ARSG: variants seen among roughly 807,000 people sequenced by gnomAD.
ARSG encodes the protein arylsulfatase G, also known as ASG.
ARSG carries 37 observed loss-of-function variants against 50.5 expected under a neutral mutation model. That is an observed-to-expected ratio of 0.73 (90% CI 0.56 to 0.96). ARSG has a LOEUF of 0.96. Ranked by LOEUF, ARSG falls within the 50% of genes least tolerant of loss-of-function variation. The probability of loss-of-function intolerance (pLI) is 0.00; values close to 1 mark genes in which losing one functional copy is unlikely to be tolerated. For synonymous variants in ARSG, 225 were observed against 254.6 expected, an observed-to-expected ratio of 0.88 and a Z score of 1.11; for missense variants, 629 against 675.3, an observed-to-expected ratio of 0.93 and a Z score of 0.76.
chr17:68,265,803 G>C (rs1386661626), intron 1 of ARSG, among the ~76,000 whole-genome samples: 18 of 144,172 alleles, frequency 1.2e-4, no homozygotes, highest in African/African-American at 4.7e-4. Context: ...TATATTTCCT[G>C]TGTGAAAATC....
chr17:68,284,437 C>A (rs1407501372), intron 1 of ARSG, among the ~76,000 whole-genome samples: 1 of 152,064 alleles, frequency 6.6e-6, no homozygotes, highest in Non-Finnish European at 1.5e-5. Context: ...AAAGAAAATT[C>A]TTTACAATTA....
intron 4 of ARSG, among the ~76,000 whole-genome samples, chr17:68,350,997 C>T (rs1323540271): frequency 6.6e-6 from 1 of 152,042 alleles, no homozygotes; most frequent in Non-Finnish European, 1.5e-5. Flanking sequence ...CAGTATCTTT[C>T]AAGGCGCATT....
chr17:68,307,350 A>G lies in ARSG; in HGVS notation c.-144A>G. The G allele has an allele frequency of 1.5e-6, 1 of 655,674 alleles. No homozygotes were observed. Among genetic ancestry groups the G allele is most frequent in the Non-Finnish European group, 2.7e-6 (1 of 368,544 alleles). 40.6% of individuals were successfully genotyped at this position (655,674 alleles called of 1,614,324 possible). A position where few individuals can be genotyped will look rare whatever the true frequency, so the allele number is the denominator to read the frequency against. ...TATAGCCGTTATCACTGCCATCACC[A>G]CTGCCACCAGCATCTTCTTGCAGAT... On this transcript the variant is annotated 5_prime_UTR_variant, in exon 2 of 12. Coordinates refer to ENST00000621439, the MANE Select transcript of ARSG (RefSeq NM_001267727.2).
chr17:68,393,739 C>T (rs547631532), intron 9 of ARSG, among the ~76,000 whole-genome samples: 107 of 151,970 alleles, frequency 7.0e-4, no homozygotes, highest in African/African-American at 2.5e-3. Flanking sequence ...TGTTGGCATG[C>T]ACCTGTAGAC....
At chr17:68,350,655 C>T (rs1055596489) in intron 4 of ARSG, among the ~76,000 whole-genome samples, 9 of 152,048 alleles carry the variant, frequency 5.9e-5, no homozygotes, top group African/African-American at 1.4e-4. Context: ...CGTGGTGGCA[C>T]GTGCCTGTAG....
At chr17:68,327,149 G>T (rs1201860943) in intron 2 of ARSG, among the ~76,000 whole-genome samples, 4 of 151,962 alleles carry the variant, frequency 2.6e-5, no homozygotes, top group Admixed American at 1.3e-4. Flanking sequence ...GCATTATTTA[G>T]CAGAGATACA....
chr17:68,328,616 C>G (rs536269120), intron 2 of ARSG, among the ~76,000 whole-genome samples: 5 of 152,358 alleles, frequency 3.3e-5, no homozygotes, highest in Admixed American at 3.3e-4. Context: ...CCCCAGCTAG[C>G]TCTGTCGTGG....
intron 2 of ARSG, among the ~76,000 whole-genome samples, chr17:68,330,985 G>T (rs1442674506): frequency 1.2e-4 from 17 of 144,530 alleles, no homozygotes; most frequent in African/African-American, 1.8e-4. Context: ...TTGCGGGGGG[G>T]GGGGGAGGTG....
chr17:68,270,313 T>G (rs1380952438), intron 1 of ARSG, among the ~76,000 whole-genome samples: 1 of 152,026 alleles, frequency 6.6e-6, no homozygotes, highest in East Asian at 1.9e-4. Flanking sequence ...CCTAGTACTT[T>G]GGGAGGCCAA....
chr17:68,263,699 C>G (rs782441481), intron 1 of ARSG, among the ~76,000 whole-genome samples: 15 of 152,138 alleles, frequency 9.9e-5, no homozygotes, highest in Admixed American at 1.3e-4. Context: ...ATTCACTCAC[C>G]GTGGCTTCCT....
intron 6 of ARSG, 85 bp from the exon 7 acceptor site, chr17:68,368,463 T>C: frequency 7.7e-7 from 1 of 1,302,676 alleles, no homozygotes; most frequent in Non-Finnish European, 1.1e-6. Flanking sequence ...TTGGGGATTT[T>C]CCTGGAGGAG....
At chr17:68,380,762 G>A (rs1314050390) in intron 8 of ARSG, among the ~76,000 whole-genome samples, 3 of 152,018 alleles carry the variant, frequency 2.0e-5, no homozygotes, top group African/African-American at 7.2e-5. Flanking sequence ...CAACTGCTTG[G>A]GAGTCAGTGC....
intron 4 of ARSG, among the ~76,000 whole-genome samples, chr17:68,349,352 G>C (rs1325933416): frequency 2.0e-5 from 3 of 152,164 alleles, no homozygotes; most frequent in Non-Finnish European, 4.4e-5. Context: ...TGTACATATT[G>C]TCTGTGGGTG....
At chr17:68,372,254 G>A (rs1489566825) in intron 8 of ARSG, among the ~76,000 whole-genome samples, 1 of 152,098 alleles carries the variant, frequency 6.6e-6, no homozygotes, top group Non-Finnish European at 1.5e-5. Context: ...CTGTCTGCCA[G>A]TTCTATCTAA....
At position 68,307,208 on chromosome 17, in the gene ARSG, TGC is replaced by T. The variant is rs1427816078; in HGVS notation, c.-284_-283del. On this transcript the variant is annotated 5_prime_UTR_variant, in exon 2 of 12. Transcript: ENST00000621439. ...AACACGACCAGTCATTTTACTGAGC[TGC>T]GGTGAGGAAACACTGACCATAGAAG... The T allele has an allele frequency of 4.9e-6, 2 of 411,286 alleles. No individual in the cohort carries two copies. Among genetic ancestry groups the T allele is most frequent in the Non-Finnish European group, 8.7e-6 (2 of 229,316 alleles). The allele number at this position is 411,286 out of a possible 1,614,324, so 25.5% of individuals were successfully genotyped here.
At chr17:68,388,587 A>T (rs1038166503) in intron 9 of ARSG, among the ~76,000 whole-genome samples, 1 of 152,174 alleles carries the variant, frequency 6.6e-6, no homozygotes, top group African/African-American at 2.4e-5. Context: ...TGGGGCAATT[A>T]TGAGGTGACC....
chr17:68,301,117 CAAA>C (rs782154030), intron 1 of ARSG, among the ~76,000 whole-genome samples: 2 of 91,896 alleles, frequency 2.2e-5, no homozygotes, highest in Non-Finnish European at 2.3e-5. Context: ...GACTCCGTCT[CAAA>C]AAAAAAAAAA....
chr17:68,286,848 G>A (rs146668788), upstream of ARSG, among the ~76,000 whole-genome samples: 164 of 152,284 alleles, frequency 1.1e-3, 2 homozygotes, highest in East Asian at 0.028. Flanking sequence ...TGGCTTAAGC[G>A]AAGCCTGGTG....
intron 5 of ARSG, among the ~76,000 whole-genome samples, chr17:68,352,501 CT>C (rs1460718160): frequency 6.8e-6 from 1 of 146,576 alleles, no homozygotes; most frequent in Non-Finnish European, 1.5e-5. Flanking sequence ...TTTTCATTTT[CT>C]TTTTTCTTTC....
Sources: gnomAD v4.1 joint callset for allele counts (sites outside exome capture counted in the v4.1 genomes callset) on GRCh38, gnomAD v4.1.1 for gene constraint, MANE v1.5 for transcripts, NCBI Gene and HGNC (gene_info 2026-07-23, HGNC 2026-07-21) for gene names.